CNTNAP2: variants seen among roughly 807,000 people sequenced by gnomAD.
The protein encoded by CNTNAP2 is contactin associated protein 2.
A neutral mutation model predicts 155.2 loss-of-function variants in CNTNAP2; 98 were observed. The observed-to-expected ratio is 0.63, with a 90% confidence interval of 0.54 to 0.75. The LOEUF is 0.75. Among genes scored for constraint, CNTNAP2 ranks in the 30% least tolerant of loss-of-function variants. The pLI is 0.00. For missense variants in CNTNAP2, 1,727 were observed against 1,688.1 expected (o/e 1.02, Z -0.40); for synonymous variants, 651 against 631.2 (o/e 1.03, Z -0.47).
At chr7:147,377,153 G>A (rs924276579) in intron 9 of CNTNAP2, among the ~76,000 whole-genome samples, 2 of 141,892 alleles carry the variant, frequency 1.4e-5, no homozygotes, top group African/African-American at 5.4e-5. Context: ...CCTTTTGGTT[G>A]ATCAAATATT....
chr7:147,148,095 T>C (rs35736945), intron 8 of CNTNAP2, among the ~76,000 whole-genome samples: 30,129 of 152,148 alleles, frequency 0.2, 4,046 homozygotes, highest in Non-Finnish European at 0.3. Flanking sequence ...CATTATATGG[T>C]AAAAAGTGGT....
chr7:146,562,268 AATG>A (rs909908811), intron 1 of CNTNAP2, among the ~76,000 whole-genome samples: 1 of 152,000 alleles, frequency 6.6e-6, no homozygotes, highest in African/African-American at 2.4e-5. Flanking sequence ...TTTTTGGGAA[AATG>A]ATATTAAAAT....
intron 8 of CNTNAP2, chr7:147,167,509 C>A: frequency 2.4e-6 from 2 of 848,670 alleles, no homozygotes; most frequent in Non-Finnish European, 3.8e-6. Flanking sequence ...CCAGCTTTGA[C>A]AGAGCATTAT....
At chr7:146,491,555 G>T (rs1797139817) in intron 1 of CNTNAP2, among the ~76,000 whole-genome samples, 1 of 152,012 alleles carries the variant, frequency 6.6e-6, no homozygotes, top group Non-Finnish European at 1.5e-5. Context: ...CTCCCCAAAG[G>T]GTACAATGGT....
chr7:147,980,804 A>C (rs6980431), intron 15 of CNTNAP2, among the ~76,000 whole-genome samples: 1 of 149,744 alleles, frequency 6.7e-6, no homozygotes. Flanking sequence ...GGTGGCGGGC[A>C]CCTGTAGTCC....
At chr7:147,395,095 A>G (rs1460013903) in intron 9 of CNTNAP2, among the ~76,000 whole-genome samples, 4 of 152,118 alleles carry the variant, frequency 2.6e-5, no homozygotes, top group African/African-American at 7.2e-5. Context: ...ATCTCTTTGT[A>G]ATGAGTTACA....
chr7:148,372,838 C>T (rs1333526647), intron 21 of CNTNAP2, among the ~76,000 whole-genome samples: 1 of 152,176 alleles, frequency 6.6e-6, no homozygotes, highest in Non-Finnish European at 1.5e-5. Context: ...GATTAAAACA[C>T]AAACACATTA....
rs80046669 is a variant in CNTNAP2 at position 147,839,106 on chromosome 7, A to T, written c.2099-64459A>T. On this transcript the variant is annotated intron_variant, in intron 13 of 23. Transcript: ENST00000361727. The stretch of plus-strand genomic sequence containing the variant: ...AGTAGCCAGCACAAGAGAAAAATAT[A>T]GACCAGAAGACTAAGCCAGTCTAGT... Among the ~76,000 whole-genome samples the T allele has an allele frequency of 3.2e-4, 49 of 152,278 alleles. 1 individual carries two copies. Among genetic ancestry groups the T allele is most frequent in the African/African-American group, 1.0e-3 (42 of 41,572 alleles).
intron 10 of CNTNAP2, 43 bp from the exon 11 acceptor site, chr7:147,485,892 A>G (rs1798500734): frequency 1.3e-6 from 2 of 1,598,934 alleles, no homozygotes; most frequent in Non-Finnish European, 1.7e-6. Flanking sequence ...CATAAATCTC[A>G]TTTGTTTGTT....
chr7:146,250,012 C>T (rs567049050), intron 1 of CNTNAP2, among the ~76,000 whole-genome samples: 9 of 152,092 alleles, frequency 5.9e-5, no homozygotes, highest in Non-Finnish European at 1.2e-4. Flanking sequence ...GTCTTTTTCT[C>T]TTGAAGAGAT....
intron 1 of CNTNAP2, among the ~76,000 whole-genome samples, chr7:146,633,004 A>G (rs1799535052): frequency 1.3e-5 from 2 of 152,152 alleles, no homozygotes; most frequent in African/African-American, 4.8e-5. Flanking sequence ...GCTCTCCACA[A>G]TCAATGTCAT....
At chr7:148,412,215 C>T (rs1376133093) in intron 23 of CNTNAP2, among the ~76,000 whole-genome samples, 1 of 152,204 alleles carries the variant, frequency 6.6e-6, no homozygotes, top group Admixed American at 6.5e-5. Flanking sequence ...GGTAGGATTA[C>T]AGGTGTGAGC....
rs190902200 is a variant in CNTNAP2 at position 146,971,153 on chromosome 7, C to T, written c.403-72754C>T. Among the ~76,000 whole-genome samples the T allele has an allele frequency of 2.1e-3, 321 of 151,906 alleles. 2 individuals are homozygous for T. The highest frequency in any genetic ancestry group is 7.5e-3 in the African/African-American group (312 of 41,418). On this transcript the variant is annotated intron_variant, in intron 3 of 23. Transcript: ENST00000361727. The stretch of plus-strand genomic sequence containing the variant: ...AGCACACCAGCATGGCACATGTATA[C>T]ATATGTAACTAACCTGCACATTGGT...
At chr7:148,225,161 A>T (rs1201979166) in intron 19 of CNTNAP2, among the ~76,000 whole-genome samples, 1 of 152,220 alleles carries the variant, frequency 6.6e-6, no homozygotes, top group African/African-American at 2.4e-5. Context: ...CATGGAGCTT[A>T]TCTTTGAATA....
At chr7:146,980,734 C>T (rs192759203) in intron 3 of CNTNAP2, among the ~76,000 whole-genome samples, 10 of 152,230 alleles carry the variant, frequency 6.6e-5, no homozygotes, top group East Asian at 1.9e-4. Context: ...AAGGCAACTG[C>T]GCTAAACTAT....
At chr7:147,323,762 A>G (rs1311747554) in intron 9 of CNTNAP2, among the ~76,000 whole-genome samples, 2 of 152,304 alleles carry the variant, frequency 1.3e-5, no homozygotes, top group East Asian at 3.9e-4. Context: ...GCTTTTTATA[A>G]CAAATTATTT....
intron 8 of CNTNAP2, among the ~76,000 whole-genome samples, chr7:147,188,731 G>A (rs1354369479): frequency 6.6e-6 from 1 of 152,132 alleles, no homozygotes. Flanking sequence ...ATCTGGATAA[G>A]AGCAAAAGTA....
At chr7:147,876,871 G>A (rs899589555) in intron 13 of CNTNAP2, among the ~76,000 whole-genome samples, 1 of 152,142 alleles carries the variant, frequency 6.6e-6, no homozygotes, top group South Asian at 2.1e-4. Flanking sequence ...GGTGTGCACT[G>A]TGGGGAACTA....
chr7:148,059,357 G>A (rs900075630), intron 15 of CNTNAP2, among the ~76,000 whole-genome samples: 2 of 151,978 alleles, frequency 1.3e-5, no homozygotes, highest in Non-Finnish European at 2.9e-5. Context: ...TTTGGAGGCT[G>A]AGCAGACTAG....
Sources: allele counts gnomAD v4.1 joint callset (sites outside exome capture counted in the v4.1 genomes callset), GRCh38; gene constraint gnomAD v4.1.1; transcripts MANE v1.5; gene names NCBI Gene and HGNC (gene_info 2026-07-23, HGNC 2026-07-21).